Variants in UQCC1 observed in about 807,000 individuals in gnomAD.
UQCC1 encodes the protein ubiquinol-cytochrome c reductase complex assembly factor 1.
UQCC1 carries 38 observed loss-of-function variants against 48.0 expected under a neutral mutation model. That is an observed-to-expected ratio of 0.79 (90% CI 0.61 to 1.04). The LOEUF (loss-of-function observed/expected upper bound fraction) is 1.04, where lower values mean the gene tolerates loss of function less well. UQCC1 is among the 50% of genes least tolerant of loss of function. The probability of loss-of-function intolerance (pLI) is 0.00; values close to 1 mark genes in which losing one functional copy is unlikely to be tolerated. For missense variants in UQCC1, 368 were observed against 381.8 expected (o/e 0.96, Z 0.30); for synonymous variants, 111 against 129.2 (o/e 0.86, Z 0.95).
chr20:35,356,330 G>C (rs2061546946), intron 6 of UQCC1, among the ~76,000 whole-genome samples: 1 of 152,158 alleles, frequency 6.6e-6, no homozygotes. Context: ...AGAGATAATA[G>C]ATTACTACTA....
At chr20:35,344,992 C>T (rs1256227685) in intron 7 of UQCC1, 1 of 152,200 alleles carries the variant, frequency 6.6e-6, no homozygotes, top group Non-Finnish European at 1.5e-5. Flanking sequence ...CTTAAAAGGA[C>T]TGGGTTTGGG....
chr20:35,402,606 AACAAAC>A lies in UQCC1; in HGVS notation c.25-8416_25-8411del, dbSNP rs1451135846. On this transcript the variant is annotated intron_variant, in intron 1 of 9. Coordinates refer to ENST00000374385, the MANE Select transcript of UQCC1 (RefSeq NM_018244.5). ...AAACAAACAAACAAACAAACAAACA[AACAAAC>A]AAAATATATATATATATATAATATA... is the stretch of plus-strand genomic sequence containing the variant. Among the ~76,000 whole-genome samples the A allele has an allele frequency of 9.1e-3, 1,309 of 143,282 alleles. 13 individuals are homozygous for A. The highest frequency in any genetic ancestry group is 0.014 in the Non-Finnish European group (910 of 67,092). The allele number at this position is 143,282 out of a possible 152,430, so 94.0% of individuals were successfully genotyped here.
intron 1 of UQCC1, among the ~76,000 whole-genome samples, chr20:35,408,755 T>A (rs1389804307): frequency 6.6e-6 from 1 of 151,086 alleles, no homozygotes; most frequent in Non-Finnish European, 1.5e-5. Context: ...CTCAGGAGGC[T>A]GAAGTGGGAG....
chr20:35,303,930 G>C lies in UQCC1; in HGVS notation c.*5C>G. Reference sequence around the variant, plus strand: ...GCTGGCGGGCCGTGCGGAGGGCCCAGCCCATCAAAGTCCCTCGTCGTTGTA... The same window carrying C: ...GCTGGCGGGCCGTGCGGAGGGCCCACCCCATCAAAGTCCCTCGTCGTTGTA... On this transcript the variant is annotated 3_prime_UTR_variant, in exon 10 of 10. Transcript: ENST00000374385. The C allele has an allele frequency of 6.2e-7, 1 of 1,614,166 alleles. No homozygotes were observed. Among genetic ancestry groups the C allele is most frequent in the African/African-American group, 1.3e-5 (1 of 75,056 alleles).
chr20:35,328,561 G>C (rs956014019), intron 7 of UQCC1, among the ~76,000 whole-genome samples: 2 of 152,120 alleles, frequency 1.3e-5, no homozygotes, highest in African/African-American at 4.8e-5. Context: ...AACAGGCATA[G>C]AGACCTTGCC....
At chr20:35,402,145 A>G (rs2062174116) in intron 1 of UQCC1, among the ~76,000 whole-genome samples, 1 of 152,210 alleles carries the variant, frequency 6.6e-6, no homozygotes, top group African/African-American at 2.4e-5. Flanking sequence ...CATTCCTTCA[A>G]AAATTACTGA....
At chr20:35,305,729 G>C (rs1024422658) in intron 9 of UQCC1, among the ~76,000 whole-genome samples, 14 of 152,260 alleles carry the variant, frequency 9.2e-5, no homozygotes, top group Admixed American at 3.9e-4. Context: ...CTCAAGAGCT[G>C]AAGTCCAGCC....
At chr20:35,394,499 T>C (rs191156905) in intron 1 of UQCC1, among the ~76,000 whole-genome samples, 1 of 152,014 alleles carries the variant, frequency 6.6e-6, no homozygotes, top group Non-Finnish European at 1.5e-5. Flanking sequence ...CCCCAACTCC[T>C]CAAGGCATCC....
At chr20:35,376,914 C>T (rs1301352914) in intron 4 of UQCC1, among the ~76,000 whole-genome samples, 1 of 151,416 alleles carries the variant, frequency 6.6e-6, no homozygotes, top group Non-Finnish European at 1.5e-5. Flanking sequence ...TGCGCCACTG[C>T]ACTCCAGCCT....
intron 5 of UQCC1, among the ~76,000 whole-genome samples, chr20:35,372,996 A>G (rs4911493): frequency 0.54 from 81,559 of 152,156 alleles, 23,098 homozygotes; most frequent in East Asian, 0.72. Context: ...TCAAATGTAT[A>G]CAGTTAGGTG....
intron 7 of UQCC1, among the ~76,000 whole-genome samples, chr20:35,316,078 G>A (rs1487444479): frequency 6.6e-6 from 1 of 152,144 alleles, no homozygotes; most frequent in Non-Finnish European, 1.5e-5. Context: ...GTAAGGCAGG[G>A]TCCACGTTTT....
At chr20:35,338,213 G>T (rs534320156) in intron 7 of UQCC1, among the ~76,000 whole-genome samples, 18 of 152,188 alleles carry the variant, frequency 1.2e-4, no homozygotes, top group Non-Finnish European at 2.6e-4. Flanking sequence ...TGAGTAGGAA[G>T]TCTCTGCCGT....
chr20:35,347,093 A>G, intron 7 of UQCC1, 71 bp downstream of exon 7: 1 of 1,614,178 alleles, frequency 6.2e-7, no homozygotes, highest in Non-Finnish European at 8.5e-7. Context: ...CCATTTTACA[A>G]CAGATAAAAC....
intron 4 of UQCC1, among the ~76,000 whole-genome samples, chr20:35,374,562 G>A (rs932202483): frequency 1.3e-5 from 2 of 152,090 alleles, no homozygotes; most frequent in Non-Finnish European, 2.9e-5. Context: ...CTAAATCACT[G>A]TTCAGCATTA....
chr20:35,303,772 G>T lies in UQCC1; in HGVS notation c.*163C>A. ...CTGTACCCCAGCAGATCAGACTCCT[G>T]GGCACACTAAGAGGAAACTCAACAC... On this transcript the variant is annotated 3_prime_UTR_variant, in exon 10 of 10. Transcript: ENST00000374385. 1.0e-6 allele frequency: 1 copy of T among 981,318 alleles called. No homozygotes were observed. The highest frequency in any genetic ancestry group is 2.4e-5 in the East Asian group (1 of 41,076). The allele number at this position is 981,318 out of a possible 1,614,324, so 60.8% of individuals were successfully genotyped here.
chr20:35,366,492 T>C (rs2061667719), intron 6 of UQCC1, 65 bp downstream of exon 6: 1 of 1,446,676 alleles, frequency 6.9e-7, no homozygotes, highest in South Asian at 1.2e-5. Flanking sequence ...CTGAAGGCTA[T>C]ACCTTACAAG....
intron 2 of UQCC1, among the ~76,000 whole-genome samples, chr20:35,390,912 T>G (rs571277740): frequency 6.6e-6 from 1 of 152,264 alleles, no homozygotes; most frequent in South Asian, 2.1e-4. Context: ...CCGGGCTTTC[T>G]ATATTATAGG....
chr20:35,399,975 G>C, intron 1 of UQCC1, among the ~76,000 whole-genome samples: 1 of 146,468 alleles, frequency 6.8e-6, no homozygotes, highest in Non-Finnish European at 1.5e-5. Context: ...ACCCAGGCTG[G>C]AGTGCAGTGG....
chr20:35,329,187 C>T (rs906988215), intron 7 of UQCC1, among the ~76,000 whole-genome samples: 64 of 152,210 alleles, frequency 4.2e-4, no homozygotes, highest in African/African-American at 1.5e-3. Flanking sequence ...TCCCGAACTC[C>T]GGGAGTTTAG....
Sources: gnomAD v4.1 joint callset for allele counts (sites outside exome capture counted in the v4.1 genomes callset) on GRCh38, gnomAD v4.1.1 for gene constraint, MANE v1.5 for transcripts, NCBI Gene and HGNC (gene_info 2026-07-23, HGNC 2026-07-21) for gene names.